Variants in TG observed in about 807,000 individuals in gnomAD.
TG encodes the protein thyroid hormones.
In TG, 270 loss-of-function variants were observed where a neutral mutation model predicts 324.7. The ratio of observed to expected loss-of-function variants is 0.83; its 90% CI spans 0.75 to 0.92. TG has a LOEUF of 0.92. Ranked by LOEUF, TG falls within the 40% of genes least tolerant of loss-of-function variation. The probability of loss-of-function intolerance (pLI) is 0.00; values close to 1 mark genes in which losing one functional copy is unlikely to be tolerated. For synonymous variants in TG, 1,401 were observed against 1,327.0 expected (o/e 1.06, Z -1.21); for missense variants, 3,591 against 3,456.4 (o/e 1.04, Z -0.98).
intron 34 of TG, among the ~76,000 whole-genome samples, chr8:132,977,316 T>G (rs1035045063): frequency 6.6e-6 from 1 of 152,186 alleles, no homozygotes; most frequent in African/African-American, 2.4e-5. Flanking sequence ...CTGTCAGCAC[T>G]GGCACATGAG....
rs968919050 is a variant in TG, at chr8:133,047,629, C to T, written c.7239+17606C>T. 2.5e-5 allele frequency: 15 copies of T among 590,098 alleles called. 1 individual carries two copies. Among genetic ancestry groups the T allele is most frequent in the South Asian group, 7.7e-5 (4 of 52,194 alleles). The allele number at this position is 590,098 out of a possible 1,614,324, so 36.6% of individuals were successfully genotyped here. ...GGCCAGGCCCGTGGCAGTGCCCAGCCGGCTCCCCACTGCCTGTCTCTAGTC... is the reference window on the plus strand; with the variant it reads ...GGCCAGGCCCGTGGCAGTGCCCAGCTGGCTCCCCACTGCCTGTCTCTAGTC... On this transcript the variant is annotated intron_variant, in intron 41 of 47. Coordinates refer to ENST00000220616, the MANE Select transcript of TG (RefSeq NM_003235.5).
chr8:133,033,549 C>G, intron 41 of TG, among the ~76,000 whole-genome samples: 1 of 152,188 alleles, frequency 6.6e-6, no homozygotes, highest in East Asian at 1.9e-4. Flanking sequence ...CAGCCTCAAG[C>G]TAAATTTTCT....
At chr8:133,009,343 AAAACCCAGCATCTCTTGC>A (rs1834294142) in intron 35 of TG, among the ~76,000 whole-genome samples, 1 of 152,128 alleles carries the variant, frequency 6.6e-6, no homozygotes, top group African/African-American at 2.4e-5. Context: ...TAAGAAAATG[AAAACCCAGCATCTCTTGC>A]AGTCAAGCCA....
In TG at chr8:133,038,158, G is replaced by T. The variant is rs373730957; in HGVS notation, c.7239+8135G>T. ...AGAAGTTCTCTCCAATGACCTTGGA[G>T]TGTAACTGTCTGGACAGGTCCAGTT... On this transcript the variant is annotated intron_variant, in intron 41 of 47. Coordinates refer to ENST00000220616, the MANE Select transcript of TG (RefSeq NM_003235.5). 8.7e-4 allele frequency: 216 copies of T among 248,592 alleles called. 1 individual carries two copies. Among genetic ancestry groups the T allele is most frequent in the African/African-American group, 4.0e-3 (175 of 43,910 alleles). 15.4% of individuals were successfully genotyped at this position (248,592 alleles called of 1,614,324 possible). A position where few individuals can be genotyped will look rare whatever the true frequency, so the allele number is the denominator to read the frequency against.
chr8:133,042,957 G>T (rs1381253371), intron 41 of TG, among the ~76,000 whole-genome samples: 1 of 148,942 alleles, frequency 6.7e-6, no homozygotes, highest in Non-Finnish European at 1.5e-5. Flanking sequence ...GCCTCCCAAA[G>T]TGCTGGAATT....
intron 37 of TG, among the ~76,000 whole-genome samples, chr8:133,014,268 C>T (rs1205958049): frequency 2.6e-5 from 4 of 152,214 alleles, no homozygotes; most frequent in East Asian, 1.9e-4. Flanking sequence ...GCCTAACTAT[C>T]GCATCTAAAC....
At position 133,014,807 on chromosome 8, in the gene TG, G is replaced by A. The variant is rs978797451; in HGVS notation, c.6562+1043G>A. The stretch of plus-strand genomic sequence containing the variant: ...TTCCAGACCTGAGAATGCTTTGATC[G>A]CTAGGTGATGAGCTGTTAGGCCCTC... On this transcript the variant is annotated intron_variant, in intron 37 of 47. Transcript: ENST00000220616. Among the ~76,000 whole-genome samples, 8 of 152,148 alleles carry A rather than the reference G, an allele frequency of 5.3e-5. 1 individual carries two copies. Among genetic ancestry groups the A allele is most frequent in the Admixed American group, 2.6e-4 (4 of 15,274 alleles).
chr8:132,931,696 T>A (rs1435149235), intron 23 of TG, among the ~76,000 whole-genome samples: 1 of 152,148 alleles, frequency 6.6e-6, no homozygotes, highest in Non-Finnish European at 1.5e-5. Context: ...TTGACTGAAT[T>A]TGTCCCTGAG....
At chr8:133,009,609 C>T (rs1834323515) in intron 35 of TG, among the ~76,000 whole-genome samples, 2 of 151,622 alleles carry the variant, frequency 1.3e-5, no homozygotes, top group South Asian at 4.2e-4. Flanking sequence ...TATGTTGAAA[C>T]CCTAACCTCC....
intron 20 of TG, among the ~76,000 whole-genome samples, chr8:132,917,554 A>G (rs860475): frequency 0.41 from 62,565 of 151,824 alleles, 15,690 homozygotes; most frequent in Admixed American, 0.54. Context: ...AAACGTGACA[A>G]GAAGTGGGGC....
At chr8:133,016,996 G>C (rs1282075795) in intron 37 of TG, among the ~76,000 whole-genome samples, 1 of 152,208 alleles carries the variant, frequency 6.6e-6, no homozygotes, top group Non-Finnish European at 1.5e-5. Flanking sequence ...ATGGGCAGGA[G>C]GGCCTCACAA....
Position 133,029,407 on chromosome 8 carries a change from C to T in TG, c.7037-414C>T, listed in dbSNP as rs191137865. On this transcript the variant is annotated intron_variant, in intron 40 of 47. Transcript: ENST00000220616. ...GTCAGGGACAACCACCTGAAGGGGT[C>T]AAAGACATGGGGCAGAGAGTTCACC... Among the ~76,000 whole-genome samples, 23 of 152,272 alleles carry T rather than the reference C, an allele frequency of 1.5e-4. No homozygotes were observed. The East Asian group carries it at 3.3e-3, about 22-fold the overall frequency.
At chr8:132,972,011 C>T in intron 33 of TG, 138 bp downstream of exon 33, 1 of 721,426 alleles carries the variant, frequency 1.4e-6, no homozygotes, top group Non-Finnish European at 2.5e-6. Context: ...TTGGAGAGGG[C>T]AACTGGCTAA....
At chr8:132,998,898 C>T (rs1833155710) in intron 35 of TG, among the ~76,000 whole-genome samples, 1 of 152,130 alleles carries the variant, frequency 6.6e-6, no homozygotes, top group Admixed American at 6.5e-5. Flanking sequence ...TCTACTCTCC[C>T]TAAGATGATG....
At chr8:133,073,148 T>C (rs1844332353) in intron 41 of TG, 1 of 152,144 alleles carries the variant, frequency 6.6e-6, no homozygotes, top group Admixed American at 6.5e-5. Context: ...TTGTACAGAG[T>C]CACAGAGTTC....
intron 43 of TG, among the ~76,000 whole-genome samples, chr8:133,100,823 C>A (rs896670208): frequency 2.6e-5 from 4 of 152,068 alleles, no homozygotes; most frequent in Non-Finnish European, 4.4e-5. Flanking sequence ...TTTCTGTAGT[C>A]ATTTATTGAT....
rs1469930281 is a variant in TG, at chr8:132,900,222, C to A, written c.3331-15C>A. On this transcript the variant is annotated splice_polypyrimidine_tract_variant and intron_variant, in intron 14 of 47. Transcript: ENST00000220616. Reference sequence around the variant, plus strand: ...CTTGCCCACAGTGACTGACATGACCCCGGCTTTGTCTCAGACAGGAGAGTA... The same window carrying A: ...CTTGCCCACAGTGACTGACATGACCACGGCTTTGTCTCAGACAGGAGAGTA... The A allele has an allele frequency of 1.2e-6, 2 of 1,612,302 alleles. No individual in the cohort carries two copies. Among genetic ancestry groups the A allele is most frequent in the South Asian group, 2.2e-5 (2 of 90,604 alleles).
intron 16 of TG, among the ~76,000 whole-genome samples, chr8:132,906,378 G>A (rs1268599246): frequency 6.6e-6 from 1 of 152,096 alleles, no homozygotes; most frequent in Non-Finnish European, 1.5e-5. Flanking sequence ...GAGGTGAAGA[G>A]ACCAGGTGGT....
intron 41 of TG, among the ~76,000 whole-genome samples, chr8:133,083,168 G>A (rs186896883): frequency 2.0e-5 from 3 of 152,264 alleles, no homozygotes; most frequent in East Asian, 1.9e-4. Flanking sequence ...ATTATAACCT[G>A]TAAAGCATGG....
Sources: allele counts gnomAD v4.1 joint callset (sites outside exome capture counted in the v4.1 genomes callset), GRCh38; gene constraint gnomAD v4.1.1; transcripts MANE v1.5; gene names NCBI Gene and HGNC (gene_info 2026-07-23, HGNC 2026-07-21).